OSTF1: variants seen among roughly 807,000 people sequenced by gnomAD.
OSTF1 encodes osteoclast stimulating factor 1.
A neutral mutation model predicts 37.2 loss-of-function variants in OSTF1; 27 were observed. That is an observed-to-expected ratio of 0.73 (90% CI 0.54 to 1.00). OSTF1 has a LOEUF of 1.00. OSTF1 is among the 50% of genes least tolerant of loss of function. The pLI, the probability that OSTF1 is intolerant of heterozygous loss-of-function variation, is 0.00. For synonymous variants in OSTF1, 82 were observed against 89.2 expected (o/e 0.92, Z 0.46); for missense variants, 232 against 253.8 (o/e 0.91, Z 0.58).
intron 7 of OSTF1, 78 bp from the exon 8 acceptor site, chr9:75,137,460 G>A: frequency 1.1e-6 from 1 of 936,158 alleles, no homozygotes; most frequent in Non-Finnish European, 1.7e-6. Flanking sequence ...AGGTTTAACT[G>A]GGTTAAACCT....
At chr9:75,135,984 C>T (rs948235058) in intron 7 of OSTF1, among the ~76,000 whole-genome samples, 4 of 152,150 alleles carry the variant, frequency 2.6e-5, no homozygotes, top group African/African-American at 7.2e-5. Flanking sequence ...AGGGGCCCAC[C>T]TGGTTAGGTC....
At chr9:75,091,409 C>T (rs1824973062) in intron 1 of OSTF1, among the ~76,000 whole-genome samples, 1 of 152,184 alleles carries the variant, frequency 6.6e-6, no homozygotes, top group Admixed American at 6.5e-5. Context: ...AGTCATAGTG[C>T]TCCATTCACA....
intron 6 of OSTF1, 47 bp downstream of exon 6, chr9:75,133,448 TTTCACC>T: frequency 8.6e-7 from 1 of 1,161,326 alleles, no homozygotes; most frequent in Non-Finnish European, 1.3e-6. Flanking sequence ...TGAAAATGTG[TTTCACC>T]TACGGGAGCC....
chr9:75,117,439 A>G, intron 1 of OSTF1, 65 bp from the exon 2 acceptor site: 1 of 1,093,148 alleles, frequency 9.1e-7, no homozygotes, highest in South Asian at 1.3e-5. Context: ...GATATAATGG[A>G]TAATGCTATT....
Position 75,146,872 on chromosome 9 carries a change from A to G in OSTF1, c.*131A>G, listed in dbSNP as rs1826034251. 1 of 599,410 alleles carries G rather than the reference A, an allele frequency of 1.7e-6. No individual in the cohort carries two copies. The highest frequency in any genetic ancestry group is 3.1e-5 in the East Asian group (1 of 32,088). The allele number at this position is 599,410 out of a possible 1,614,324, so 37.1% of individuals were successfully genotyped here. A position where few individuals can be genotyped will look rare whatever the true frequency, so the allele number is the denominator to read the frequency against. ...ACACGGCAGTGTTGCACTGTGTTTG[A>G]GTAGAACGTGTAAATGAATTGTTCC... On this transcript the variant is annotated 3_prime_UTR_variant, in exon 10 of 10. Transcript: ENST00000346234.
At chr9:75,117,441 A>T in intron 1 of OSTF1, 63 bp from the exon 2 acceptor site, 1 of 1,111,098 alleles carries the variant, frequency 9.0e-7, no homozygotes, top group South Asian at 1.3e-5. Flanking sequence ...TATAATGGAT[A>T]ATGCTATTAA....
At chr9:75,118,018 G>A (rs1320212379) in intron 2 of OSTF1, among the ~76,000 whole-genome samples, 1 of 152,086 alleles carries the variant, frequency 6.6e-6, no homozygotes, top group Non-Finnish European at 1.5e-5. Context: ...TTTATTAAGC[G>A]CCTATTATAT....
intron 1 of OSTF1, among the ~76,000 whole-genome samples, chr9:75,100,166 T>C (rs1307352987): frequency 1.3e-5 from 2 of 152,228 alleles, no homozygotes; most frequent in Admixed American, 1.3e-4. Flanking sequence ...CACTGCATAT[T>C]GGTGGCAAGC....
chr9:75,118,542 A>G (rs1166046000), intron 2 of OSTF1, among the ~76,000 whole-genome samples: 2 of 152,030 alleles, frequency 1.3e-5, no homozygotes, highest in Non-Finnish European at 2.9e-5. Context: ...GACAGTTAGG[A>G]AGGAAAGGAA....
chr9:75,098,928 TC>T lies in OSTF1; in HGVS notation c.34+10203del, dbSNP rs375250995. ...GGCAGAAACCAAAAGCCTCTTTTTTTCTTTTTTATTTACTTATTTATTTTAG... is the reference window on the plus strand; with the variant it reads ...GGCAGAAACCAAAAGCCTCTTTTTTTTTTTTTATTTACTTATTTATTTTAG... On this transcript the variant is annotated intron_variant, in intron 1 of 9. Coordinates refer to ENST00000346234, the MANE Select transcript of OSTF1 (RefSeq NM_012383.5). Among the ~76,000 whole-genome samples the T allele has an allele frequency of 3.8e-3, 574 of 152,320 alleles. 5 individuals carry two copies. Among genetic ancestry groups the T allele is most frequent in the African/African-American group, 0.013 (558 of 41,562 alleles).
chr9:75,142,777 A>G (rs755634076), intron 9 of OSTF1, among the ~76,000 whole-genome samples: 2 of 152,078 alleles, frequency 1.3e-5, no homozygotes, highest in East Asian at 1.9e-4. Context: ...TTATATTTCA[A>G]TTTTCATGTT....
intron 1 of OSTF1, among the ~76,000 whole-genome samples, chr9:75,097,683 A>G (rs1825111345): frequency 6.6e-6 from 1 of 152,056 alleles, no homozygotes; most frequent in Non-Finnish European, 1.5e-5. Context: ...TTTTCCAAAC[A>G]TAAAAGTCTA....
chr9:75,137,975 G>A (rs1374698422), intron 8 of OSTF1, among the ~76,000 whole-genome samples: 3 of 152,188 alleles, frequency 2.0e-5, no homozygotes, highest in African/African-American at 7.2e-5. Flanking sequence ...AAGTTGCTGA[G>A]GCCCCTGTTC....
intron 6 of OSTF1, 129 bp downstream of exon 6, chr9:75,133,530 C>A: frequency 1.7e-6 from 1 of 605,072 alleles, no homozygotes; most frequent in South Asian, 2.2e-5. Context: ...GAATACCGGC[C>A]AAAACCCTTG....
intron 2 of OSTF1, among the ~76,000 whole-genome samples, chr9:75,122,136 G>C (rs1024479918): frequency 6.6e-6 from 1 of 152,166 alleles, no homozygotes; most frequent in Admixed American, 6.5e-5. Flanking sequence ...CTGAATTGAC[G>C]AGTGTCAAGA....
intron 1 of OSTF1, among the ~76,000 whole-genome samples, chr9:75,100,299 G>A (rs1489221918): frequency 1.3e-5 from 2 of 152,134 alleles, no homozygotes; most frequent in Non-Finnish European, 2.9e-5. Flanking sequence ...CTTGGGAGGG[G>A]ACCAAGGCAT....
chr9:75,108,188 G>A (rs1825323509), intron 1 of OSTF1, among the ~76,000 whole-genome samples: 1 of 151,886 alleles, frequency 6.6e-6, no homozygotes, highest in Non-Finnish European at 1.5e-5. Context: ...TTGCACCACT[G>A]TACTCCAACC....
At chr9:75,128,360 AGACATATATATATAT>A (rs1285598233) in intron 3 of OSTF1, among the ~76,000 whole-genome samples, 1 of 62,330 alleles carries the variant, frequency 1.6e-5, no homozygotes, top group Non-Finnish European at 2.9e-5. Flanking sequence ...TATGTATGAA[AGACATATATATATAT>A]ATATATATAT....
intron 1 of OSTF1, among the ~76,000 whole-genome samples, chr9:75,107,605 A>G (rs751637009): frequency 3.3e-5 from 5 of 152,220 alleles, no homozygotes; most frequent in African/African-American, 4.8e-5. Flanking sequence ...AACAATTCCT[A>G]ATTTTATCAG....
Sources: allele counts gnomAD v4.1 joint callset (sites outside exome capture counted in the v4.1 genomes callset), GRCh38; gene constraint gnomAD v4.1.1; transcripts MANE v1.5; gene names NCBI Gene and HGNC (gene_info 2026-07-23, HGNC 2026-07-21).